SPNS3: variants seen among roughly 807,000 people sequenced by gnomAD.
SPNS3 encodes SPNS lysolipid transporter 3, sphingosine-1-phosphate (putative), also known as protein spinster homolog 3.
In SPNS3, 51 loss-of-function variants were observed where a neutral mutation model predicts 54.4. That is an observed-to-expected ratio of 0.94 (90% confidence interval 0.75 to 1.18). The LOEUF (loss-of-function observed/expected upper bound fraction) is 1.18, where lower values mean the gene tolerates loss of function less well. Ranked by LOEUF, SPNS3 falls within the 50% of genes most tolerant of loss-of-function variation. The pLI is 0.00. For missense variants in SPNS3, 669 were observed against 677.4 expected (o/e 0.99, Z 0.14); for synonymous variants, 309 against 294.7 (o/e 1.05, Z -0.50).
chr17:4,484,517 C>T (rs920862790), intron 9 of SPNS3, among the ~76,000 whole-genome samples: 3 of 152,100 alleles, frequency 2.0e-5, no homozygotes, highest in Non-Finnish European at 2.9e-5. Flanking sequence ...GATGGGATTT[C>T]GCCATGTTGG....
At position 4,462,144 on chromosome 17, in the gene SPNS3, T is replaced by A. The variant is rs12937376; in HGVS notation, c.1113+8939T>A. Among the ~76,000 whole-genome samples, 4 of 9,308 alleles carry A rather than the reference T, an allele frequency of 4.3e-4. 1 individual carries two copies. The highest frequency in any genetic ancestry group is 6.2e-4 in the Non-Finnish European group (3 of 4,836). The allele number at this position is 9,308 out of a possible 152,430, so 6.1% of individuals were successfully genotyped here. A position where few individuals can be genotyped will look rare whatever the true frequency, so the allele number is the denominator to read the frequency against. ...ATCCATCCATCCATCCATCCATCCA[T>A]CCATCCATCCATCCATCCATCCATC... On this transcript the variant is annotated intron_variant, in intron 8 of 11. Transcript: ENST00000355530.
intron 8 of SPNS3, among the ~76,000 whole-genome samples, chr17:4,461,920 G>A (rs1013992790): frequency 1.6e-4 from 24 of 152,118 alleles, no homozygotes; most frequent in Middle Eastern, 3.2e-3. Context: ...TACAGGAGTC[G>A]GAAGTCCAGG....
intron 4 of SPNS3, chr17:4,446,554 G>A (rs1472010438): frequency 2.3e-5 from 12 of 518,540 alleles, no homozygotes; most frequent in Non-Finnish European, 3.9e-5. Flanking sequence ...CTAGGCCAGA[G>A]CAGGATTTGC....
At chr17:4,440,272 C>G (rs1046710016) in intron 2 of SPNS3, among the ~76,000 whole-genome samples, 5 of 152,182 alleles carry the variant, frequency 3.3e-5, no homozygotes, top group Non-Finnish European at 7.4e-5. Context: ...TAGCTTTTCC[C>G]TTGTGGGTGC....
At chr17:4,452,906 C>A (rs113900280) in intron 7 of SPNS3, 110 bp from the exon 8 acceptor site, 3 of 1,048,716 alleles carry the variant, frequency 2.9e-6, no homozygotes, top group African/African-American at 1.6e-5. Flanking sequence ...CCTGTAGACA[C>A]CAGATCATGC....
In SPNS3 at chr17:4,468,255, T is replaced by C. The variant is rs58275567; in HGVS notation, c.1114-10317T>C. On this transcript the variant is annotated intron_variant, in intron 8 of 11. Transcript: ENST00000355530. ...TAAGCTCAGGAGTTTGAGACCAGCC[T>C]GGGCAACATAGAGAGAAAAAATTAA... is the stretch of plus-strand genomic sequence containing the variant. Among the ~76,000 whole-genome samples the C allele has an allele frequency of 7.2e-3, 1,094 of 151,912 alleles. 12 individuals are homozygous for C. The highest frequency in any genetic ancestry group is 0.025 in the African/African-American group (1,047 of 41,396).
chr17:4,447,047 C>G (rs918133572), intron 5 of SPNS3, 85 bp downstream of exon 5: 1 of 1,465,256 alleles, frequency 6.8e-7, no homozygotes, highest in South Asian at 1.2e-5. Context: ...AGCCACTTGG[C>G]GTAGCACCCG....
chr17:4,453,236 A>G lies in SPNS3; in HGVS notation c.1113+31A>G, dbSNP rs749572537. 5.7e-6 allele frequency: 9 copies of G among 1,586,556 alleles called. No homozygotes were observed. The Admixed American group carries it at 1.6e-4, about 28-fold the overall frequency. ...TGAGAGCCTCTATGGAGGTGGGGAC[A>G]GGGTTGGGGGGCGAGGAACTCCTGT... On this transcript the variant is annotated intron_variant, in intron 8 of 11. Transcript: ENST00000355530.
chr17:4,471,074 G>A (rs1236262593), intron 8 of SPNS3, among the ~76,000 whole-genome samples: 11 of 152,072 alleles, frequency 7.2e-5, no homozygotes, highest in Non-Finnish European at 1.5e-4. Context: ...ATAGGCATGC[G>A]ACACCACGCC....
chr17:4,439,402 A>G (rs1474555490), intron 1 of SPNS3, among the ~76,000 whole-genome samples: 2 of 152,190 alleles, frequency 1.3e-5, no homozygotes, highest in African/African-American at 4.8e-5. Context: ...CTGAGATTAC[A>G]GGCGTGAGCC....
chr17:4,486,231 G>C lies in SPNS3; in HGVS notation c.1183G>C (p.Val395Leu). 6.4e-7 allele frequency: 1 copy of C among 1,555,264 alleles called. No homozygotes were observed. Among genetic ancestry groups the C allele is most frequent in the Non-Finnish European group, 8.7e-7 (1 of 1,154,666 alleles). ...WAVVADILLS[V>L]VVPRCRGTAE... Reference sequence around the variant, plus strand: ...CTGCTGTGCCTATGTTTTGCAGTCTGTGGTGGTGCCCAGATGCCGGGGGAC... The same window carrying C: ...CTGCTGTGCCTATGTTTTGCAGTCTCTGGTGGTGCCCAGATGCCGGGGGAC... Residue 395 changes from valine to leucine, a missense_variant, in exon 10 of 12, where the codon GTG becomes CTG. Physicochemically the swap from Val to Leu is conservative, Grantham distance 32. Transcript: ENST00000355530. The surrounding 1 kb of genome is among the most constrained non-coding windows in gnomAD (Gnocchi z 5.5).
chr17:4,471,735 G>C (rs1389242024), intron 8 of SPNS3, among the ~76,000 whole-genome samples: 1 of 152,048 alleles, frequency 6.6e-6, no homozygotes, highest in Non-Finnish European at 1.5e-5. Context: ...CAAAGTGCTG[G>C]GATTACAGGC....
intron 2 of SPNS3, among the ~76,000 whole-genome samples, chr17:4,443,363 G>A (rs549324659): frequency 7.2e-5 from 11 of 152,272 alleles, no homozygotes; most frequent in East Asian, 1.9e-4. Context: ...GAGCCACCGC[G>A]TCCAGCTGGG....
intron 1 of SPNS3, among the ~76,000 whole-genome samples, chr17:4,435,896 C>T (rs1295339285): frequency 6.6e-6 from 1 of 152,228 alleles, no homozygotes; most frequent in Non-Finnish European, 1.5e-5. Context: ...CGTGCCACTG[C>T]ACTCCAGCCT....
rs1972373388 is a variant in SPNS3 at position 4,488,081 on chromosome 17, G to A, written c.*187G>A. On this transcript the variant is annotated 3_prime_UTR_variant, in exon 12 of 12. Transcript: ENST00000355530. The stretch of plus-strand genomic sequence containing the variant: ...GAATGGAGCTGTCAGCACTCTGCGT[G>A]GGAGGCCTGGGCCTGTGCCTGCATC... 4.9e-6 allele frequency: 3 copies of A among 610,260 alleles called. No homozygotes were observed. In the East Asian group the frequency reaches 8.3e-5, roughly 17 times the overall value. 37.8% of individuals were successfully genotyped at this position (610,260 alleles called of 1,614,324 possible).
chr17:4,458,584 CCCTCCTTTCTTT>C (rs1567563812), intron 8 of SPNS3, among the ~76,000 whole-genome samples: 3 of 33,324 alleles, frequency 9.0e-5, no homozygotes, highest in African/African-American at 3.0e-4. Context: ...TTTCTTCCTT[CCCTCCTTTCTTT>C]CTTTCTTTCT....
chr17:4,435,294 G>C (rs1176355131), intron 1 of SPNS3, among the ~76,000 whole-genome samples: 9 of 151,458 alleles, frequency 5.9e-5, no homozygotes, highest in Admixed American at 5.3e-4. Flanking sequence ...ATGGTAGCGG[G>C]CACCTGTAAT....
intron 8 of SPNS3, among the ~76,000 whole-genome samples, chr17:4,456,536 A>T (rs769808632): frequency 6.6e-5 from 10 of 151,596 alleles, no homozygotes; most frequent in African/African-American, 1.7e-4. Context: ...ATTTTATTTT[A>T]TTTTTTTGAG....
At chr17:4,443,411 T>A (rs1382660202) in intron 2 of SPNS3, among the ~76,000 whole-genome samples, 2 of 152,180 alleles carry the variant, frequency 1.3e-5, no homozygotes, top group African/African-American at 4.8e-5. Flanking sequence ...AAGATATGCA[T>A]AAACAAGATA....
Sources: allele counts gnomAD v4.1 joint callset (sites outside exome capture counted in the v4.1 genomes callset), GRCh38; gene constraint gnomAD v4.1.1; non-coding constraint Gnocchi (gnomAD v3.1); transcripts MANE v1.5; gene names NCBI Gene and HGNC (gene_info 2026-07-23, HGNC 2026-07-21).